CNTNAP4: variants seen among roughly 807,000 people sequenced by gnomAD.
CNTNAP4 encodes the protein contactin-associated protein-like 4.
In CNTNAP4, 98 loss-of-function variants were observed where a neutral mutation model predicts 148.4. That is an observed-to-expected ratio of 0.66 (90% CI 0.56 to 0.78). The LOEUF is 0.78. Ranked by LOEUF, CNTNAP4 falls within the 30% of genes least tolerant of loss-of-function variation. The pLI, the probability that CNTNAP4 is intolerant of heterozygous loss-of-function variation, is 0.00. For synonymous variants in CNTNAP4, 730 were observed against 565.1 expected, an observed-to-expected ratio of 1.29 and a Z score of -4.14; for missense variants, 1,935 against 1,565.6, an observed-to-expected ratio of 1.24 and a Z score of -3.98.
At chr16:76,442,796 C>T (rs542433014) in intron 4 of CNTNAP4, among the ~76,000 whole-genome samples, 39 of 152,212 alleles carry the variant, frequency 2.6e-4, no homozygotes, top group African/African-American at 8.4e-4. Context: ...CCACAACTCC[C>T]AGCACTGCCA....
intron 18 of CNTNAP4, among the ~76,000 whole-genome samples, chr16:76,537,213 G>A (rs996190420): frequency 2.0e-5 from 3 of 151,446 alleles, no homozygotes; most frequent in Admixed American, 2.0e-4. Context: ...TACTCTGTAT[G>A]CACATATTAT....
At position 76,553,426 on chromosome 16, in the gene CNTNAP4, C is replaced by T. The variant is rs748319494; in HGVS notation, c.3586C>T (p.His1196Tyr). ...SHPDPVTVTGHVTESSCMAQP... is the reference protein window; with the variant it reads ...SHPDPVTVTGYVTESSCMAQP... ...CCCAGACCCTGTCACTGTTACAGGA[C>T]ACGTGACTGAGTCCAGCTGTATGGC... The change falls in exon 22 of 24, where the codon CAC becomes TAC. Residue 1196 changes from histidine (H) to tyrosine (Y), a missense_variant. By Grantham distance (83) the His-to-Tyr change is moderately conservative (BLOSUM62 2). Transcript: ENST00000611870. 2 of 1,612,680 alleles carry T rather than the reference C, an allele frequency of 1.2e-6. No individual in the cohort carries two copies. Among genetic ancestry groups the T allele is most frequent in the Admixed American group, 1.7e-5 (1 of 59,880 alleles).
chr16:76,558,164 T>A (rs1356743484), intron 23 of CNTNAP4: 1 of 187,898 alleles, frequency 5.3e-6, no homozygotes, highest in Non-Finnish European at 1.1e-5. Context: ...TAATTAAAAC[T>A]AATATGAAGT....
intron 3 of CNTNAP4, among the ~76,000 whole-genome samples, chr16:76,371,249 T>C (rs1350559407): frequency 2.0e-5 from 3 of 152,188 alleles, no homozygotes; most frequent in Admixed American, 6.5e-5. Flanking sequence ...GACCAGGGTA[T>C]ATATGTACCT....
chr16:76,454,298 T>C (rs1345456414), intron 8 of CNTNAP4, among the ~76,000 whole-genome samples: 2 of 152,046 alleles, frequency 1.3e-5, no homozygotes, highest in Non-Finnish European at 2.9e-5. Context: ...ATTTTTTAGT[T>C]GAGACAGGGT....
intron 2 of CNTNAP4, among the ~76,000 whole-genome samples, chr16:76,332,410 G>A (rs146949705): frequency 2.0e-3 from 307 of 152,090 alleles, no homozygotes; most frequent in African/African-American, 6.8e-3. Context: ...ACACAGGCAC[G>A]CACCACCACG....
At chr16:76,447,175 T>C (rs2080279206) in intron 4 of CNTNAP4, among the ~76,000 whole-genome samples, 1 of 151,888 alleles carries the variant, frequency 6.6e-6, no homozygotes, top group Non-Finnish European at 1.5e-5. Context: ...CTGAGCATGG[T>C]AGTGCACCCT....
At chr16:76,422,008 G>T (rs944976456) in intron 3 of CNTNAP4, among the ~76,000 whole-genome samples, 5 of 152,132 alleles carry the variant, frequency 3.3e-5, no homozygotes, top group African/African-American at 1.2e-4. Flanking sequence ...TACGTGAGTT[G>T]CTCAATTAAT....
At chr16:76,536,250 C>T (rs989656737) in intron 18 of CNTNAP4, among the ~76,000 whole-genome samples, 5 of 152,008 alleles carry the variant, frequency 3.3e-5, no homozygotes, top group African/African-American at 1.2e-4. Context: ...GGCTGGAGTG[C>T]AGTGGCGCAA....
chr16:76,345,026 A>G (rs1226603942), intron 2 of CNTNAP4, among the ~76,000 whole-genome samples: 2 of 152,144 alleles, frequency 1.3e-5, no homozygotes, highest in Non-Finnish European at 2.9e-5. Flanking sequence ...CTAACACTGG[A>G]TATTTATTGA....
intron 1 of CNTNAP4, among the ~76,000 whole-genome samples, chr16:76,305,781 A>T (rs1328793778): frequency 1.3e-5 from 2 of 152,188 alleles, no homozygotes; most frequent in Non-Finnish European, 2.9e-5. Context: ...AGCACCCAAC[A>T]GGTAGTTTTT....
intron 2 of CNTNAP4, among the ~76,000 whole-genome samples, chr16:76,351,340 C>G (rs1425709520): frequency 6.6e-6 from 1 of 151,164 alleles, no homozygotes; most frequent in Non-Finnish European, 1.5e-5. Flanking sequence ...TTTCATGTCA[C>G]TAGCTGTCAT....
intron 3 of CNTNAP4, among the ~76,000 whole-genome samples, chr16:76,414,306 T>A (rs993457295): frequency 2.0e-5 from 3 of 151,464 alleles, no homozygotes; most frequent in Non-Finnish European, 4.4e-5. Flanking sequence ...CATATGTTAC[T>A]TAATGTGATA....
At chr16:76,430,228 T>C (rs1303462026) in intron 4 of CNTNAP4, among the ~76,000 whole-genome samples, 1 of 152,210 alleles carries the variant, frequency 6.6e-6, no homozygotes, top group East Asian at 1.9e-4. Context: ...AGAATAAGCA[T>C]CTTCTGATTT....
At chr16:76,527,832 A>G (rs369717423) in intron 17 of CNTNAP4, among the ~76,000 whole-genome samples, 2 of 152,156 alleles carry the variant, frequency 1.3e-5, no homozygotes, top group East Asian at 1.9e-4. Context: ...CTGTAACATC[A>G]TGTTGTAAAC....
chr16:76,420,159 G>A (rs1173784862), intron 3 of CNTNAP4, among the ~76,000 whole-genome samples: 1 of 79,532 alleles, frequency 1.3e-5, no homozygotes, highest in Non-Finnish European at 3.6e-5. Flanking sequence ...TACTGTGTGT[G>A]TGTGTATAAA....
intron 12 of CNTNAP4, among the ~76,000 whole-genome samples, chr16:76,480,759 G>A (rs1280946307): frequency 2.0e-5 from 3 of 151,974 alleles, no homozygotes; most frequent in South Asian, 2.1e-4. Flanking sequence ...AAATATGTTC[G>A]TTGATTAGAA....
intron 1 of CNTNAP4, among the ~76,000 whole-genome samples, chr16:76,303,682 T>A (rs1165225236): frequency 1.3e-5 from 2 of 152,222 alleles, no homozygotes; most frequent in African/African-American, 4.8e-5. Flanking sequence ...CTGTTTGATT[T>A]CTGCATCATG....
At chr16:76,322,882 T>A (rs553762028) in intron 2 of CNTNAP4, among the ~76,000 whole-genome samples, 16 of 152,046 alleles carry the variant, frequency 1.1e-4, no homozygotes, top group Middle Eastern at 3.4e-3. Context: ...TCACCTACGC[T>A]ACAGTGCAGT....
Sources: allele counts gnomAD v4.1 joint callset (sites outside exome capture counted in the v4.1 genomes callset), GRCh38; gene constraint gnomAD v4.1.1; transcripts MANE v1.5; gene names NCBI Gene and HGNC (gene_info 2026-07-23, HGNC 2026-07-21).